Variants in MCM3 observed in about 807,000 individuals in gnomAD.
MCM3 encodes DNA replication licensing factor MCM3.
Under a neutral mutation model 91.3 loss-of-function variants are expected in MCM3, and 59 were observed. The observed-to-expected ratio is 0.65, with a 90% CI of 0.52 to 0.80. The LOEUF is 0.80. Ranked by LOEUF, MCM3 falls within the 30% of genes least tolerant of loss-of-function variation. The pLI is 0.00. For missense variants in MCM3, 919 were observed against 1,035.4 expected, an observed-to-expected ratio of 0.89 and a Z score of 1.54; for synonymous variants, 383 against 379.6, an observed-to-expected ratio of 1.01 and a Z score of -0.10.
At position 52,264,214 on chromosome 6, in the gene MCM3, G is replaced by GAA. The variant is rs17240273; in HGVS notation, c.*372_*373dup. 4 of 239,154 alleles carry GAA rather than the reference G, an allele frequency of 1.7e-5. No homozygotes were observed. The South Asian group carries it at 2.1e-4, about 13-fold the overall frequency. 14.8% of individuals were successfully genotyped at this position (239,154 alleles called of 1,614,324 possible). A position where few individuals can be genotyped will look rare whatever the true frequency, so the allele number is the denominator to read the frequency against. On this transcript the variant is annotated 3_prime_UTR_variant, in exon 17 of 17. Transcript: ENST00000596288. ...CTAGTCTAGACCAAAGTGCTCTGGA[G>GAA]AAAAAAAACAAAACAAAAAAACAGC...
chr6:52,271,657 AAAAAC>A (rs1214548627), intron 12 of MCM3, among the ~76,000 whole-genome samples: 3 of 152,160 alleles, frequency 2.0e-5, no homozygotes, highest in South Asian at 2.1e-4. Context: ...AAACAAAAAC[AAAAAC>A]AAAACAAAAA....
intron 12 of MCM3, among the ~76,000 whole-genome samples, chr6:52,270,384 G>A (rs189160721): frequency 2.0e-5 from 3 of 150,954 alleles, no homozygotes; most frequent in Admixed American, 6.6e-5. Context: ...CACACCTCCC[G>A]GGTCTCCCAT....
chr6:52,266,051 G>A, intron 16 of MCM3, 24 bp downstream of exon 16: 1 of 1,608,116 alleles, frequency 6.2e-7, no homozygotes, highest in Non-Finnish European at 8.5e-7. Context: ...TTCTTGAAGG[G>A]GCAGGAGCAA....
At chr6:52,279,138 G>A (rs1305524281) in intron 5 of MCM3, among the ~76,000 whole-genome samples, 2 of 152,204 alleles carry the variant, frequency 1.3e-5, no homozygotes, top group Non-Finnish European at 2.9e-5. Flanking sequence ...CCATGAGGCT[G>A]TAATCATTGT....
At chr6:52,280,836 T>C (rs755774461) in intron 4 of MCM3, among the ~76,000 whole-genome samples, 9 of 152,190 alleles carry the variant, frequency 5.9e-5, no homozygotes, top group Non-Finnish European at 2.9e-5. Context: ...CGTAAGCAAA[T>C]TGTTTAACTT....
chr6:52,278,790 A>C lies in MCM3; in HGVS notation c.831T>G (p.Ser277=), dbSNP rs1388917964. 5 of 1,613,978 alleles carry C rather than the reference A, an allele frequency of 3.1e-6. No homozygotes were observed. The highest frequency in any genetic ancestry group is 4.2e-6 in the Non-Finnish European group (5 of 1,179,970). ...QMSKDAQPSF[S]AEDIAKIKKF... ...TCTTGATCTTGGCTATATCCTCAGC[A>C]GAGAAAGAGGGCTGAGCATCCTTGC... is the stretch of plus-strand genomic sequence containing the variant. Residue 277 remains serine (S), a synonymous_variant, in exon 6 of 17, where the codon TCT becomes TCG. Coordinates refer to ENST00000596288, the MANE Select transcript of MCM3 (RefSeq NM_002388.6).
In MCM3 at chr6:52,267,870, C is replaced by CAGA. The variant is rs745788676; in HGVS notation, c.2066_2067insTCT (p.Arg689delinsSerLeu). On this transcript the variant is annotated protein_altering_variant, in exon 14 of 17. Coordinates refer to ENST00000596288, the MANE Select transcript of MCM3 (RefSeq NM_002388.6). The stretch of plus-strand genomic sequence containing the variant: ...ATTTGCTTGCCCCACCTTACCTCTT[C>CAGA]CTCTTCTGCTCCTGGTCCTCTTGGC... 1.1e-5 allele frequency: 12 copies of CAGA among 1,105,702 alleles called. No individual in the cohort carries two copies. The South Asian group carries it at 1.6e-4, about 14-fold the overall frequency. 68.5% of individuals were successfully genotyped at this position (1,105,702 alleles called of 1,614,324 possible).
At chr6:52,269,299 G>A (rs1033747762) in intron 12 of MCM3, 73 bp from the exon 13 acceptor site, 5 of 1,481,292 alleles carry the variant, frequency 3.4e-6, no homozygotes, top group Non-Finnish European at 4.6e-6. Context: ...GCACAGAAAG[G>A]GAAATGACAC....
chr6:52,266,143 T>A lies in MCM3; in HGVS notation c.2160A>T (p.Val720=). Residue 720 remains valine, a splice_region_variant and synonymous_variant, in exon 16 of 17, where the codon GTA becomes GTT. Transcript: ENST00000596288. Reference sequence around the variant, plus strand: ...GTGAGTCTGCCGTCTTTGGAGTGTGTACTTCAGAGGGTTGATGGTTGTAGA... The same window carrying A: ...GTGAGTCTGCCGTCTTTGGAGTGTGAACTTCAGAGGGTTGATGGTTGTAGA... The part of the protein sequence containing the change: ...FSDTEEEMPQ[V]HTPKTADSQE... 1 of 1,613,158 alleles carries A rather than the reference T, an allele frequency of 6.2e-7. No individual in the cohort carries two copies. Among genetic ancestry groups the A allele is most frequent in the Non-Finnish European group, 8.5e-7 (1 of 1,179,110 alleles).
chr6:52,274,854 G>A (rs537531321), intron 9 of MCM3, among the ~76,000 whole-genome samples: 28 of 152,210 alleles, frequency 1.8e-4, no homozygotes, highest in Non-Finnish European at 3.2e-4. Context: ...CCATGTTCAC[G>A]TTTCAGGTCC....
In MCM3 at chr6:52,273,354, T is replaced by C. The variant is rs764747643; in HGVS notation, c.1552A>G (p.Met518Val). Residue 518 changes from methionine to valine, a missense_variant and splice_region_variant, in exon 11 of 17, where the codon ATG becomes GTG. Transcript: ENST00000596288. Reference protein sequence around the residue: ...RAPGEQDGDAMPLGSAVDILA... With the variant: ...RAPGEQDGDAVPLGSAVDILA... ...ATATCCACAGCACTACCCAAGGGCA[T>C]AGCTGGTATACCCAAGTTAGGAGAA... 1.5e-5 allele frequency: 25 copies of C among 1,614,124 alleles called. No individual in the cohort carries two copies. In the South Asian group the frequency reaches 1.8e-4, roughly 11 times the overall value.
At chr6:52,278,480 C>T (rs1417837290) in intron 6 of MCM3, among the ~76,000 whole-genome samples, 2 of 152,200 alleles carry the variant, frequency 1.3e-5, no homozygotes, top group East Asian at 3.8e-4. Context: ...GGTACACGGG[C>T]AAGTTAACAC....
Position 52,282,676 on chromosome 6 carries a change from C to A in MCM3, c.377G>T (p.Cys126Phe), listed in dbSNP as rs776136477. ...ACATTTAGTGACAATGCCCTCCACA[C>A]AGACCACACAGCTGAGGAAGCAGGA... Reference protein sequence around the residue: ...LTSCFLSCVVCVEGIVTKCSL... With the variant: ...LTSCFLSCVVFVEGIVTKCSL... The change falls in exon 3 of 17, where the codon TGT becomes TTT. Residue 126 changes from cysteine (C) to phenylalanine (F), a missense_variant. This residue lies in a region of MCM3 where 401 missense variants were observed against 402.7 expected (regional missense o/e 1.00). Coordinates refer to ENST00000596288, the MANE Select transcript of MCM3 (RefSeq NM_002388.6). 18 of 1,613,368 alleles carry A rather than the reference C, an allele frequency of 1.1e-5. No individual in the cohort carries two copies. Among genetic ancestry groups the A allele is most frequent in the Non-Finnish European group, 1.5e-5 (18 of 1,180,030 alleles).
chr6:52,282,966 C>A (rs1160199687), intron 2 of MCM3, 105 bp from the exon 3 acceptor site: 12 of 820,228 alleles, frequency 1.5e-5, no homozygotes, highest in Non-Finnish European at 2.1e-5. Context: ...TGAGAAAATC[C>A]AGCTTCTGCT....
At chr6:52,284,367 C>T (rs953789576) in intron 1 of MCM3, among the ~76,000 whole-genome samples, 1 of 152,192 alleles carries the variant, frequency 6.6e-6, no homozygotes, top group African/African-American at 2.4e-5. Flanking sequence ...TTTGCGCGCC[C>T]GGACCATCGC....
At position 52,278,658 on chromosome 6, in the gene MCM3, G is replaced by T. The variant is rs759633088; in HGVS notation, c.879+84C>A. On this transcript the variant is annotated intron_variant, in intron 6 of 16. Coordinates refer to ENST00000596288, the MANE Select transcript of MCM3 (RefSeq NM_002388.6). ...ACACCAAACCTCAACCCTTCCTTCT[G>T]ATCTAGTACAAAAATAGCCATGCAC... is the stretch of plus-strand genomic sequence containing the variant. 409 of 858,444 alleles carry T rather than the reference G, an allele frequency of 4.8e-4. 3 individuals carry two copies. Among genetic ancestry groups the T allele is most frequent in the Admixed American group, 6.5e-5 (3 of 46,004 alleles). 53.2% of individuals were successfully genotyped at this position (858,444 alleles called of 1,614,324 possible).
chr6:52,272,110 C>A (rs1002389450), intron 12 of MCM3, among the ~76,000 whole-genome samples, 191 bp downstream of exon 12: 5 of 152,164 alleles, frequency 3.3e-5, no homozygotes, highest in Non-Finnish European at 7.4e-5. Flanking sequence ...TAATAAGAGA[C>A]ATGTTATCTC....
Position 52,265,107 on chromosome 6 carries a change from A to T in MCM3, c.2229-321T>A, listed in dbSNP as rs74502060. 3.9e-4 allele frequency: 152 copies of T among 387,946 alleles called. 1 individual carries two copies. In the East Asian group the frequency reaches 8.8e-3, roughly 22 times the overall value. 24.0% of individuals were successfully genotyped at this position (387,946 alleles called of 1,614,324 possible). A position where few individuals can be genotyped will look rare whatever the true frequency, so the allele number is the denominator to read the frequency against. ...CCTTTGGCCCAGGGAGCCCATTTCT[A>T]GGAACTCACCTTATAGCTATACTTG... is the stretch of plus-strand genomic sequence containing the variant. On this transcript the variant is annotated intron_variant, in intron 16 of 16. Coordinates refer to ENST00000596288, the MANE Select transcript of MCM3 (RefSeq NM_002388.6).
chr6:52,269,875 A>G (rs920604055), intron 12 of MCM3, among the ~76,000 whole-genome samples: 1 of 152,250 alleles, frequency 6.6e-6, no homozygotes. Flanking sequence ...AAATGAATGA[A>G]TCAGAAATCT....
Sources: gnomAD v4.1 joint callset for allele counts (sites outside exome capture counted in the v4.1 genomes callset) on GRCh38, gnomAD v4.1.1 for gene constraint, gnomAD v4.1.1 regional missense constraint, MANE v1.5 for transcripts, NCBI Gene and HGNC (gene_info 2026-07-23, HGNC 2026-07-21) for gene names.